CDC42BPA: variants seen among roughly 807,000 people sequenced by gnomAD.
The protein encoded by CDC42BPA is serine/threonine-protein kinase MRCK alpha.
A neutral mutation model predicts 223.5 loss-of-function variants in CDC42BPA; 80 were observed. The ratio of observed to expected loss-of-function variants is 0.36; its 90% CI spans 0.30 to 0.43. The LOEUF (loss-of-function observed/expected upper bound fraction) is 0.43, where lower values mean the gene tolerates loss of function less well. Ranked by LOEUF, CDC42BPA falls within the 20% of genes least tolerant of loss-of-function variation. The pLI, the probability that CDC42BPA is intolerant of heterozygous loss-of-function variation, is 1.00. For missense variants in CDC42BPA, 1,743 were observed against 2,099.9 expected, an observed-to-expected ratio of 0.83 and a Z score of 3.32; for synonymous variants, 694 against 718.6, an observed-to-expected ratio of 0.97 and a Z score of 0.55.
At chr1:227,031,708 A>C (rs554382757) in intron 27 of CDC42BPA, among the ~76,000 whole-genome samples, 194 bp from the exon 28 acceptor site, 1 of 152,318 alleles carries the variant, frequency 6.6e-6, no homozygotes, top group East Asian at 1.9e-4. Flanking sequence ...CAAAGGTGGC[A>C]GACACCATTT....
chr1:227,039,629 C>T (rs1215848364), intron 24 of CDC42BPA, among the ~76,000 whole-genome samples: 1 of 152,080 alleles, frequency 6.6e-6, no homozygotes, highest in African/African-American at 2.4e-5. Flanking sequence ...ATGCCTTTCC[C>T]CTATCCACTA....
chr1:227,031,909 T>C (rs779579417), intron 27 of CDC42BPA, among the ~76,000 whole-genome samples: 3 of 152,194 alleles, frequency 2.0e-5, no homozygotes, highest in Non-Finnish European at 4.4e-5. Flanking sequence ...ATTTAGGATG[T>C]ACTGTCATTA....
chr1:227,013,178 G>T (rs1238475477), intron 34 of CDC42BPA, among the ~76,000 whole-genome samples: 1 of 152,022 alleles, frequency 6.6e-6, no homozygotes, highest in Non-Finnish European at 1.5e-5. Flanking sequence ...GCAATGAAAG[G>T]TACATTAAAA....
chr1:227,199,736 T>C (rs931081586), intron 3 of CDC42BPA, 84 bp from the exon 4 acceptor site: 73 of 694,018 alleles, frequency 1.1e-4, no homozygotes, highest in Admixed American at 3.7e-4. Flanking sequence ...TATTATATTA[T>C]TTCTGTTCTG....
intron 3 of CDC42BPA, among the ~76,000 whole-genome samples, chr1:227,207,449 T>G (rs1672983918): frequency 6.7e-6 from 1 of 149,878 alleles, no homozygotes; most frequent in South Asian, 2.2e-4. Context: ...TGTGCCATGC[T>G]GGTGCGCTGC....
intron 8 of CDC42BPA, among the ~76,000 whole-genome samples, chr1:227,144,559 AGC>A (rs1248204751): frequency 9.4e-5 from 12 of 127,392 alleles, no homozygotes; most frequent in African/African-American, 3.5e-4. Flanking sequence ...TGGGAGACAG[AGC>A]GAGACTCTGT....
chr1:227,061,021 A>G (rs1319917876), intron 21 of CDC42BPA, among the ~76,000 whole-genome samples: 1 of 152,082 alleles, frequency 6.6e-6, no homozygotes, highest in East Asian at 1.9e-4. Flanking sequence ...GCGCCTGGCC[A>G]GAAATATTCT....
chr1:227,123,895 A>G (rs567758476), intron 11 of CDC42BPA, among the ~76,000 whole-genome samples: 1 of 152,286 alleles, frequency 6.6e-6, no homozygotes, highest in South Asian at 2.1e-4. Context: ...AAACAGAAAC[A>G]GTACACAGAG....
At chr1:227,153,825 A>G (rs896495832) in intron 6 of CDC42BPA, among the ~76,000 whole-genome samples, 16 of 151,962 alleles carry the variant, frequency 1.1e-4, no homozygotes, top group Non-Finnish European at 1.9e-4. Flanking sequence ...AATTCTACCA[A>G]TGACATAAGT....
At chr1:227,198,708 T>C (rs1163909248) in intron 4 of CDC42BPA, among the ~76,000 whole-genome samples, 1 of 152,008 alleles carries the variant, frequency 6.6e-6, no homozygotes, top group Non-Finnish European at 1.5e-5. Context: ...GAAAAACCTT[T>C]AATTTTATTT....
chr1:227,081,164 A>G (rs552725138), intron 16 of CDC42BPA, 147 bp from the exon 17 acceptor site: 16 of 718,218 alleles, frequency 2.2e-5, no homozygotes, highest in Admixed American at 2.8e-5. Context: ...CTGAATTTGG[A>G]TATCAAGTAC....
At chr1:227,150,864 A>G (rs1339509103) in intron 6 of CDC42BPA, among the ~76,000 whole-genome samples, 1 of 109,024 alleles carries the variant, frequency 9.2e-6, no homozygotes, top group African/African-American at 3.1e-5. Flanking sequence ...TGAAAAAAAA[A>G]AAAAGAAAAA....
chr1:227,146,847 C>T (rs545746996), intron 7 of CDC42BPA, among the ~76,000 whole-genome samples: 1 of 152,114 alleles, frequency 6.6e-6, no homozygotes, highest in Non-Finnish European at 1.5e-5. Context: ...TAGGTGCACA[C>T]CTGTAAACTT....
chr1:227,249,385 A>C (rs1681568855), intron 2 of CDC42BPA, among the ~76,000 whole-genome samples: 1 of 152,196 alleles, frequency 6.6e-6, no homozygotes, highest in South Asian at 2.1e-4. Context: ...AAAATTTCTT[A>C]AAACACAGCC....
At chr1:227,052,180 G>A (rs1572499927) in intron 21 of CDC42BPA, among the ~76,000 whole-genome samples, 195 bp from the exon 22 acceptor site, 1 of 152,138 alleles carries the variant, frequency 6.6e-6, no homozygotes, top group East Asian at 1.9e-4. Context: ...TGTAAACAAG[G>A]ATTGACAGAA....
intron 2 of CDC42BPA, among the ~76,000 whole-genome samples, chr1:227,242,209 AAGTT>A (rs1680146461): frequency 1.3e-5 from 2 of 152,276 alleles, no homozygotes; most frequent in African/African-American, 2.4e-5. Context: ...CTTTTGATAA[AAGTT>A]AGCTCCTATT....
intron 16 of CDC42BPA, among the ~76,000 whole-genome samples, chr1:227,088,235 TAG>T (rs1458393158): frequency 6.6e-6 from 1 of 152,156 alleles, no homozygotes; most frequent in Non-Finnish European, 1.5e-5. Flanking sequence ...GGGTACACCT[TAG>T]AGAGTTATTG....
intron 4 of CDC42BPA, among the ~76,000 whole-genome samples, chr1:227,194,596 C>T (rs148765302): frequency 1.4e-3 from 214 of 152,122 alleles, no homozygotes; most frequent in African/African-American, 4.7e-3. Context: ...TGTAAAGAAA[C>T]GATGAGAAGA....
chr1:227,105,254 A>G (rs1434857797), intron 14 of CDC42BPA, among the ~76,000 whole-genome samples: 1 of 151,980 alleles, frequency 6.6e-6, no homozygotes, highest in African/African-American at 2.4e-5. Flanking sequence ...CATCATTCCA[A>G]CAAAAAATTC....
Sources: gnomAD v4.1 joint callset for allele counts (sites outside exome capture counted in the v4.1 genomes callset) on GRCh38, gnomAD v4.1.1 for gene constraint, MANE v1.5 for transcripts, NCBI Gene and HGNC (gene_info 2026-07-23, HGNC 2026-07-21) for gene names.